Variants in HSD17B3 observed in about 807,000 individuals in gnomAD.
HSD17B3 encodes the protein 17-beta-hydroxysteroid dehydrogenase type 3.
HSD17B3 carries 29 observed loss-of-function variants against 41.1 expected under a neutral mutation model. That is an observed-to-expected ratio of 0.71 (90% confidence interval 0.53 to 0.96). The LOEUF (loss-of-function observed/expected upper bound fraction) is 0.96, where lower values mean the gene tolerates loss of function less well. Among genes scored for constraint, HSD17B3 ranks in the 40% least tolerant of loss-of-function variants. The pLI, the probability that HSD17B3 is intolerant of heterozygous loss-of-function variation, is 0.00. For missense variants in HSD17B3, 323 were observed against 374.6 expected, an observed-to-expected ratio of 0.86 and a Z score of 1.14; for synonymous variants, 126 against 145.6, an observed-to-expected ratio of 0.87 and a Z score of 0.97.
At chr9:96,267,910 T>A (rs1487798902) in intron 2 of HSD17B3, among the ~76,000 whole-genome samples, 1 of 151,924 alleles carries the variant, frequency 6.6e-6, no homozygotes, top group African/African-American at 2.4e-5. Context: ...CCCCTCCATA[T>A]CTCTGCTCGT....
At chr9:96,257,927 G>C (rs1825729814) in intron 2 of HSD17B3, among the ~76,000 whole-genome samples, 1 of 152,122 alleles carries the variant, frequency 6.6e-6, no homozygotes, top group Admixed American at 6.6e-5. Flanking sequence ...GCCTCCCAAA[G>C]TGCCAGGATT....
chr9:96,272,293 C>T (rs1239118352), intron 2 of HSD17B3, among the ~76,000 whole-genome samples: 4 of 148,802 alleles, frequency 2.7e-5, no homozygotes, highest in Non-Finnish European at 6.0e-5. Flanking sequence ...AGGAGAATCA[C>T]TTGAACCTGG....
At chr9:96,250,752 G>A (rs763409822) in intron 5 of HSD17B3, among the ~76,000 whole-genome samples, 1 of 152,012 alleles carries the variant, frequency 6.6e-6, no homozygotes, top group Non-Finnish European at 1.5e-5. Flanking sequence ...GCTGGGCGTG[G>A]TGGCAGGCGC....
chr9:96,251,388 G>C, intron 5 of HSD17B3, 30 bp downstream of exon 5: 2 of 1,593,588 alleles, frequency 1.3e-6, no homozygotes, highest in South Asian at 2.2e-5. Context: ...TGGATAAGAG[G>C]AATCTATACA....
intron 9 of HSD17B3, among the ~76,000 whole-genome samples, chr9:96,244,075 C>G (rs534355094): frequency 6.6e-6 from 1 of 152,342 alleles, no homozygotes; most frequent in East Asian, 1.9e-4. Context: ...CAGCCACTCC[C>G]CTCTCCTATT....
intron 3 of HSD17B3, 91 bp downstream of exon 3, chr9:96,254,777 G>T: frequency 9.2e-7 from 1 of 1,084,172 alleles, no homozygotes; most frequent in Non-Finnish European, 1.4e-6. Context: ...GAGAGCAGAT[G>T]TGGGGATGCC....
At position 96,245,397 on chromosome 9, in the gene HSD17B3, G is replaced by C. The variant is rs1252713091; in HGVS notation, c.554C>G (p.Ser185Cys). The C allele has an allele frequency of 6.2e-7, 1 of 1,614,026 alleles. No homozygotes were observed. The highest frequency in any genetic ancestry group is 1.3e-5 in the African/African-American group (1 of 74,950). The change falls in exon 8 of 11, where the codon TCT becomes TGT. Residue 185 changes from serine (S) to cysteine (C), a missense_variant. Coordinates refer to ENST00000375263, the MANE Select transcript of HSD17B3 (RefSeq NM_000197.2). Reference sequence around the variant, plus strand: ...AGGCCAAGGAAACAGGGCTATCCCAGAAGAAATGTTCAGGATGAGACCTTT... The same window carrying C: ...AGGCCAAGGAAACAGGGCTATCCCACAAGAAATGTTCAGGATGAGACCTTT... ...RQKGLILNIS[S>C]GIALFPWPLY...
intron 2 of HSD17B3, among the ~76,000 whole-genome samples, chr9:96,276,298 A>C (rs1175116835): frequency 6.6e-6 from 1 of 152,118 alleles, no homozygotes; most frequent in Admixed American, 6.6e-5. Flanking sequence ...TAGAAGATAG[A>C]AGAATTAATA....
chr9:96,284,471 A>C (rs77037754), intron 2 of HSD17B3, among the ~76,000 whole-genome samples: 22 of 152,352 alleles, frequency 1.4e-4, no homozygotes, highest in Non-Finnish European at 2.2e-4. Context: ...TATTTGCATA[A>C]GTGCAAAAAG....
intron 6 of HSD17B3, 197 bp downstream of exon 6, chr9:96,249,554 A>G (rs1375234006): frequency 2.9e-5 from 18 of 619,418 alleles, no homozygotes; most frequent in Middle Eastern, 3.3e-4. Flanking sequence ...GATACAAGGG[A>G]GAGTTGAATC....
chr9:96,259,673 A>C (rs948912393), intron 2 of HSD17B3, among the ~76,000 whole-genome samples: 1 of 152,024 alleles, frequency 6.6e-6, no homozygotes, highest in African/African-American at 2.4e-5. Flanking sequence ...GTGAGCCGAG[A>C]TCACGCCATT....
intron 2 of HSD17B3, among the ~76,000 whole-genome samples, chr9:96,272,198 A>T (rs1370445105): frequency 6.6e-6 from 1 of 150,702 alleles, no homozygotes; most frequent in Non-Finnish European, 1.5e-5. Flanking sequence ...GTGAAACCCC[A>T]TCTCTACTGA....
chr9:96,276,376 T>C (rs986654726), intron 2 of HSD17B3, among the ~76,000 whole-genome samples: 3 of 152,136 alleles, frequency 2.0e-5, no homozygotes, highest in Admixed American at 6.6e-5. Flanking sequence ...AAAATCTCAA[T>C]GGCATTTTTT....
intron 2 of HSD17B3, among the ~76,000 whole-genome samples, chr9:96,275,972 A>C (rs1328071982): frequency 6.6e-6 from 1 of 151,962 alleles, no homozygotes; most frequent in Non-Finnish European, 1.5e-5. Context: ...GGACTTAAAA[A>C]ACAAGATCCA....
chr9:96,300,502 G>T (rs1249703426), intron 1 of HSD17B3, among the ~76,000 whole-genome samples: 1 of 140,962 alleles, frequency 7.1e-6, no homozygotes, highest in Non-Finnish European at 1.5e-5. Flanking sequence ...ATTTAACTGG[G>T]TATCCTGTAT....
intron 2 of HSD17B3, among the ~76,000 whole-genome samples, chr9:96,289,544 C>T (rs1827064836): frequency 6.6e-6 from 1 of 152,146 alleles, no homozygotes; most frequent in Non-Finnish European, 1.5e-5. Flanking sequence ...GCACCTTTGT[C>T]TCCCAATTCA....
At chr9:96,251,032 T>TA (rs1836878761) in intron 5 of HSD17B3, 1 of 229,910 alleles carries the variant, frequency 4.3e-6, no homozygotes, top group African/African-American at 2.2e-5. Context: ...CACTGAAAGT[T>TA]ACACAAATCT....
Position 96,245,332 on chromosome 9 carries a change from T to G in HSD17B3, c.606+13A>C. 2 of 1,594,810 alleles carry G rather than the reference T, an allele frequency of 1.3e-6. No homozygotes were observed. The highest frequency in any genetic ancestry group is 1.7e-6 in the Non-Finnish European group (2 of 1,162,360). Reference sequence around the variant, plus strand: ...GAAGAAGGAAGAGACTTGGAAGTCATGACATCACTCACCTTGGAAGCTGAG... The same window carrying G: ...GAAGAAGGAAGAGACTTGGAAGTCAGGACATCACTCACCTTGGAAGCTGAG... On this transcript the variant is annotated intron_variant, in intron 8 of 10. Transcript: ENST00000375263.
At chr9:96,246,101 C>T (rs1237591587) in intron 7 of HSD17B3, among the ~76,000 whole-genome samples, 1 of 152,200 alleles carries the variant, frequency 6.6e-6, no homozygotes, top group Non-Finnish European at 1.5e-5. Context: ...GAAAAACCAA[C>T]TCCCAAATGG....
Sources: allele counts gnomAD v4.1 joint callset (sites outside exome capture counted in the v4.1 genomes callset), GRCh38; gene constraint gnomAD v4.1.1; transcripts MANE v1.5; gene names NCBI Gene and HGNC (gene_info 2026-07-23, HGNC 2026-07-21).